Variants in DACH2 observed in about 807,000 individuals in gnomAD.
DACH2 encodes the protein dachshund homolog 2.
DACH2 carries 17 observed loss-of-function variants against 35.8 expected under a neutral mutation model. The ratio of observed to expected loss-of-function variants is 0.48; its 90% CI spans 0.33 to 0.71. The LOEUF is 0.71. DACH2 is among the 30% of genes least tolerant of loss of function. The pLI is 0.02. For missense variants in DACH2, 469 were observed against 472.7 expected (o/e 0.99, Z 0.07); for synonymous variants, 195 against 177.3 (o/e 1.10, Z -0.79).
chrX:86,546,404 C>CTTCTTCTTCCTTCTTCTTCCTT (rs774988785), intron 3 of DACH2, among the ~76,000 whole-genome samples: 4 of 21,675 alleles, frequency 1.8e-4, no homozygotes, highest in African/African-American at 4.9e-4. Flanking sequence ...TCTTCTTCTT[C>CTTCTTCTTCCTTCTTCTTCCTT]CTTCTTCTTC....
chrX:86,450,175 G>T (rs995259793), intron 2 of DACH2, among the ~76,000 whole-genome samples: 1 of 110,557 alleles, frequency 9.0e-6, no homozygotes, highest in African/African-American at 3.3e-5. Context: ...CCATCGCCTA[G>T]GTATTAAGCC....
intron 1 of DACH2, among the ~76,000 whole-genome samples, chrX:86,291,694 T>G (rs2147999313): frequency 9.8e-6 from 1 of 102,308 alleles, no homozygotes; most frequent in South Asian, 4.9e-4. Flanking sequence ...ATGTGGTTTT[T>G]GTCTTTGGTT....
At chrX:86,598,798 C>CT (rs59857493) in intron 3 of DACH2, among the ~76,000 whole-genome samples, 18,615 of 100,160 alleles carry the variant, frequency 0.19, 1,409 homozygotes, top group South Asian at 0.33. Flanking sequence ...GTTTTCTTTT[C>CT]TTTTTTTTTT....
chrX:86,282,375 C>A (rs997299482), intron 1 of DACH2, among the ~76,000 whole-genome samples: 3 of 111,399 alleles, frequency 2.7e-5, no homozygotes, highest in African/African-American at 9.8e-5. Flanking sequence ...TGATCTTTGA[C>A]AAACCTGACA....
intron 2 of DACH2, among the ~76,000 whole-genome samples, chrX:86,404,804 A>G (rs181095699): frequency 8.9e-6 from 1 of 112,413 alleles, no homozygotes; most frequent in East Asian, 2.8e-4. Flanking sequence ...GAGGGTCTCC[A>G]TGAGGGTTCC....
intron 3 of DACH2, among the ~76,000 whole-genome samples, chrX:86,520,344 G>T (rs2038534294): frequency 8.9e-6 from 1 of 111,782 alleles, no homozygotes; most frequent in Non-Finnish European, 1.9e-5. Flanking sequence ...TGATTTTAAA[G>T]TATGTGTCAT....
At chrX:86,215,650 C>T (rs190612905) in intron 1 of DACH2, among the ~76,000 whole-genome samples, 74 of 111,526 alleles carry the variant, frequency 6.6e-4, no homozygotes, top group African/African-American at 2.4e-3. Flanking sequence ...CAATTCTGAA[C>T]ACCTGTCTTT....
In DACH2 at chrX:86,354,912, C is replaced by A. The variant is rs1008528843; in HGVS notation, c.489-21912C>A. Among the ~76,000 whole-genome samples the A allele has an allele frequency of 3.6e-5, 4 of 110,695 alleles. No individual in the cohort carries two copies. In the South Asian group the frequency reaches 1.2e-3, roughly 32 times the overall value. On this transcript the variant is annotated intron_variant, in intron 1 of 11. Transcript: ENST00000373125. ...GTTATTTCACTATATTTTAAATATTCTCTTTCTATCTTTTATTTTATGTTT... is the reference window on the plus strand; with the variant it reads ...GTTATTTCACTATATTTTAAATATTATCTTTCTATCTTTTATTTTATGTTT...
At chrX:86,151,354 A>G (rs1437872433) in intron 1 of DACH2, among the ~76,000 whole-genome samples, 1 of 111,888 alleles carries the variant, frequency 8.9e-6, no homozygotes, top group East Asian at 2.8e-4. Flanking sequence ...CTGTGATGTG[A>G]TTCATGTGGC....
chrX:86,282,507 A>G (rs934599472), intron 1 of DACH2, among the ~76,000 whole-genome samples: 2 of 111,577 alleles, frequency 1.8e-5, no homozygotes, highest in South Asian at 3.7e-4. Context: ...TTAACTTAAA[A>G]TGGATTAAAG....
chrX:86,420,406 C>G (rs2036782132), intron 2 of DACH2, among the ~76,000 whole-genome samples: 1 of 111,965 alleles, frequency 8.9e-6, no homozygotes. Flanking sequence ...AACATGCACA[C>G]TTTCTTTTCC....
chrX:86,543,743 C>A (rs183971701), intron 3 of DACH2, among the ~76,000 whole-genome samples: 1 of 104,833 alleles, frequency 9.5e-6, no homozygotes, highest in Non-Finnish European at 1.9e-5. Flanking sequence ...GAACCAAAAA[C>A]CAAACACCAC....
intron 1 of DACH2, among the ~76,000 whole-genome samples, chrX:86,257,437 G>T (rs1198294743): frequency 9.0e-6 from 1 of 111,338 alleles, no homozygotes; most frequent in African/African-American, 3.3e-5. Context: ...GAGATATATT[G>T]AACCAATTTC....
chrX:86,531,452 A>G (rs951892546), intron 3 of DACH2, among the ~76,000 whole-genome samples: 4 of 111,758 alleles, frequency 3.6e-5, no homozygotes, highest in African/African-American at 9.8e-5. Flanking sequence ...CCCTGTGTCC[A>G]TGCCACTCCA....
At chrX:86,206,584 G>A (rs1280966271) in intron 1 of DACH2, among the ~76,000 whole-genome samples, 3 of 112,343 alleles carry the variant, frequency 2.7e-5, no homozygotes, top group Non-Finnish European at 5.6e-5. Context: ...GATACCAGAA[G>A]CCAGACTAGA....
At chrX:86,754,243 GT>G (rs1332869040) in intron 7 of DACH2, among the ~76,000 whole-genome samples, 2 of 110,621 alleles carry the variant, frequency 1.8e-5, no homozygotes, top group African/African-American at 6.6e-5. Flanking sequence ...AAAGAAAGAA[GT>G]ACTGAACTGA....
intron 4 of DACH2, among the ~76,000 whole-genome samples, chrX:86,667,077 C>A (rs1169923848): frequency 1.5e-5 from 1 of 67,847 alleles, no homozygotes; most frequent in Non-Finnish European, 2.8e-5. Context: ...GAAACCCCAT[C>A]TCTACTAAAA....
At chrX:86,625,370 T>C (rs998688152) in intron 3 of DACH2, among the ~76,000 whole-genome samples, 1 of 110,277 alleles carries the variant, frequency 9.1e-6, no homozygotes, top group Non-Finnish European at 1.9e-5. Context: ...AATGACACTT[T>C]TGAGCAGGAT....
intron 3 of DACH2, among the ~76,000 whole-genome samples, chrX:86,630,387 CATATACACATAT>C (rs2040186009): frequency 9.2e-6 from 1 of 108,747 alleles, no homozygotes; most frequent in Non-Finnish European, 1.9e-5. Context: ...TACACACATA[CATATACACATAT>C]ATATACACAT....
Sources: gnomAD v4.1 joint callset for allele counts (sites outside exome capture counted in the v4.1 genomes callset) on GRCh38, gnomAD v4.1.1 for gene constraint, MANE v1.5 for transcripts, NCBI Gene and HGNC (gene_info 2026-07-23, HGNC 2026-07-21) for gene names.